HLX: variants seen among roughly 807,000 people sequenced by gnomAD.
The protein encoded by HLX is H2.0-like homeobox protein.
A neutral mutation model predicts 27.7 loss-of-function variants in HLX; 6 were observed. That is an observed-to-expected ratio of 0.22 (90% CI 0.12 to 0.43). The LOEUF (loss-of-function observed/expected upper bound fraction) is 0.43, where lower values mean the gene tolerates loss of function less well. HLX is among the 20% of genes least tolerant of loss of function. HLX has a pLI of 1.00. For missense variants in HLX, 666 were observed against 655.2 expected (o/e 1.02, Z -0.18); for synonymous variants, 328 against 293.8 (o/e 1.12, Z -1.19).
rs1336960819 is a variant in HLX at position 220,880,155 on chromosome 1, G to A, written c.298G>A (p.Ala100Thr). ...RSPLRPTPVV[A>T]PSEVPAGFPQ... ...CCCGCTTCGACCCACCCCAGTGGTG[G>A]CGCCCTCCGAAGTCCCGGCTGGCTT... Residue 100 changes from alanine (A) to threonine (T), a missense_variant, in exon 1 of 4, where the codon GCG becomes ACG. Physicochemically the swap from Ala to Thr is moderately conservative, Grantham distance 58. Transcript: ENST00000366903. 6.2e-7 allele frequency: 1 copy of A among 1,612,268 alleles called. No homozygotes were observed. The highest frequency in any genetic ancestry group is 2.2e-5 in the East Asian group (1 of 44,850).
At chr1:220,882,681 G>T in intron 3 of HLX, 1 of 263,592 alleles carries the variant, frequency 3.8e-6, no homozygotes. Context: ...AGTGCAATTC[G>T]CTGTAGGAGG....
Position 220,880,453 on chromosome 1 carries a change from G to A in HLX, c.592+4G>A, listed in dbSNP as rs1439802739. 1.2e-6 allele frequency: 2 copies of A among 1,613,372 alleles called. No homozygotes were observed. Among genetic ancestry groups the A allele is most frequent in the Non-Finnish European group, 1.7e-6 (2 of 1,180,018 alleles). On this transcript the variant is annotated splice_donor_region_variant and intron_variant, in intron 1 of 3. Coordinates refer to ENST00000366903, the MANE Select transcript of HLX (RefSeq NM_021958.4). ...AAAGAAGGCAACACGCTGAGAGGTA[G>A]GTCTTGGGCGGGAGGCTGCAGGCCT...
At chr1:220,881,396 T>A (rs753062956) in intron 2 of HLX, 23 bp downstream of exon 2, 2 of 1,598,640 alleles carry the variant, frequency 1.3e-6, no homozygotes, top group Non-Finnish European at 1.7e-6. Context: ...TCCAGAGTAC[T>A]GCCTAACGGG....
chr1:220,879,716 C>T lies in HLX; in HGVS notation c.-142C>T. The T allele has an allele frequency of 7.6e-7, 1 of 1,315,688 alleles. No homozygotes were observed. Among genetic ancestry groups the T allele is most frequent in the Non-Finnish European group, 9.9e-7 (1 of 1,006,284 alleles). 81.5% of individuals were successfully genotyped at this position (1,315,688 alleles called of 1,614,324 possible). ...TCGGTGGCGCTAGGGCTCCCGGCCTCTCTTCCTCAGTGCGGGCGGAGAAGC... is the reference window on the plus strand; with the variant it reads ...TCGGTGGCGCTAGGGCTCCCGGCCTTTCTTCCTCAGTGCGGGCGGAGAAGC... On this transcript the variant is annotated 5_prime_UTR_variant, in exon 1 of 4. Transcript: ENST00000366903.
chr1:220,882,387 C>T (rs374396616), intron 3 of HLX, 39 bp downstream of exon 3: 1 of 1,596,484 alleles, frequency 6.3e-7, no homozygotes, highest in Non-Finnish European at 8.6e-7. Context: ...CGCCCTCGGG[C>T]GGGCAGCAGC....
At chr1:220,883,831 C>T (rs34180575) in intron 3 of HLX, 42,275 of 286,552 alleles carry the variant, frequency 0.15, 3,883 homozygotes, top group Non-Finnish European at 0.18. Flanking sequence ...ATCAGATTCT[C>T]ATGGGGGTCC....
Position 220,884,516 on chromosome 1 carries a change from A to AGCGGCG in HLX, c.1288_1293dup (p.Gly430_Gly431dup), listed in dbSNP as rs750199366. 1.2e-6 allele frequency: 2 copies of AGCGGCG among 1,612,614 alleles called. No individual in the cohort carries two copies. Among genetic ancestry groups the AGCGGCG allele is most frequent in the African/African-American group, 1.3e-5 (1 of 75,008 alleles). On this transcript the variant is annotated inframe_insertion, in exon 4 of 4. Transcript: ENST00000366903. This position sits in a 1 kb window ranked among gnomAD's most constrained non-coding sequence, Gnocchi z 4.9. Reference sequence around the variant, plus strand: ...CAGCAGTGCTGGGAGTGGTGGGAGCAGCGGCGGCGGCGGCAATAGTTTCAG... The same window carrying AGCGGCG: ...CAGCAGTGCTGGGAGTGGTGGGAGCAGCGGCGGCGGCGGCGGCGGCAATAGTTTCAG...
intron 1 of HLX, chr1:220,880,876 A>C: frequency 2.3e-6 from 1 of 430,600 alleles, no homozygotes; most frequent in South Asian, 3.4e-5. Flanking sequence ...ATGAGCGGGC[A>C]GAGTGGGGCC....
At position 220,884,635 on chromosome 1, in the gene HLX, A is replaced by C; in HGVS notation, c.1398A>C (p.Ala466=). The C allele has an allele frequency of 6.2e-7, 1 of 1,610,656 alleles. No individual in the cohort carries two copies. Among genetic ancestry groups the C allele is most frequent in the Non-Finnish European group, 8.5e-7 (1 of 1,179,140 alleles). ...GGGGASELLP[A]TQPTASSAPK... ...GCGGCGCCTCGGAGCTTCTCCCTGC[A>C]ACACAGCCCACAGCCAGCAGCGCTC... Residue 466 remains alanine (A), a synonymous_variant, in exon 4 of 4, where the codon GCA becomes GCC. Transcript: ENST00000366903. This position sits in a 1 kb window ranked among gnomAD's most constrained non-coding sequence, Gnocchi z 4.9.
At chr1:220,881,023 C>A (rs1353319226) in intron 1 of HLX, 171 bp from the exon 2 acceptor site, 2 of 651,344 alleles carry the variant, frequency 3.1e-6, no homozygotes, top group South Asian at 1.9e-5. Context: ...ACTTTTCGTG[C>A]GTCGCTCCTT....
chr1:220,880,114 A>G lies in HLX; in HGVS notation c.257A>G (p.Gln86Arg), dbSNP rs1178720688. 5 of 1,601,904 alleles carry G rather than the reference A, an allele frequency of 3.1e-6. No individual in the cohort carries two copies. Among genetic ancestry groups the G allele is most frequent in the Non-Finnish European group, 4.3e-6 (5 of 1,174,684 alleles). Residue 86 changes from glutamine to arginine, a missense_variant, in exon 1 of 4, where the codon CAA (glutamine) becomes CGA (arginine). Coordinates refer to ENST00000366903, the MANE Select transcript of HLX (RefSeq NM_021958.4). Reference sequence around the variant, plus strand: ...TCGGTTCACCCGCACGCCTCTTTCCAAGCGGCGGCCAGATCCCCGCTTCGA... The same window carrying G: ...TCGGTTCACCCGCACGCCTCTTTCCGAGCGGCGGCCAGATCCCCGCTTCGA... ...LGSVHPHASF[Q>R]AAARSPLRPT...
rs574484121 is a variant in HLX, at chr1:220,882,015, T to C, written c.773-149T>C. 3.5e-4 allele frequency: 260 copies of C among 752,602 alleles called. 2 individuals are homozygous for C. Among genetic ancestry groups the C allele is most frequent in the South Asian group, 3.4e-3 (232 of 67,998 alleles). 46.6% of individuals were successfully genotyped at this position (752,602 alleles called of 1,614,324 possible). A position where few individuals can be genotyped will look rare whatever the true frequency, so the allele number is the denominator to read the frequency against. On this transcript the variant is annotated intron_variant, in intron 2 of 3. Coordinates refer to ENST00000366903, the MANE Select transcript of HLX (RefSeq NM_021958.4). ...CTCCTTAGAGGGGCCATTCGGTGTATGTGCGAAGGGCTTTCTGAATGAGGG... is the reference window on the plus strand; with the variant it reads ...CTCCTTAGAGGGGCCATTCGGTGTACGTGCGAAGGGCTTTCTGAATGAGGG...
At chr1:220,881,565 G>A in intron 2 of HLX, 192 bp downstream of exon 2, 1 of 644,284 alleles carries the variant, frequency 1.6e-6, no homozygotes, top group Non-Finnish European at 2.7e-6. Flanking sequence ...CCCTTGAAAA[G>A]GGGTAGAGGC....
In HLX at chr1:220,884,453, GTTATTA is replaced by G; in HGVS notation, c.1217_1222del (p.Val406_Lys408delinsGlu). The G allele has an allele frequency of 6.2e-7, 1 of 1,614,152 alleles. No homozygotes were observed. The highest frequency in any genetic ancestry group is 2.2e-5 in the East Asian group (1 of 44,874). On this transcript the variant is annotated inframe_deletion, in exon 4 of 4. Coordinates refer to ENST00000366903, the MANE Select transcript of HLX (RefSeq NM_021958.4). The surrounding 1 kb of genome is among the most constrained non-coding windows in gnomAD (Gnocchi z 4.9). ...TGAGCGTTCTCTGCACCAAACAACA[GTTATTA>G]AGGCCCCGGTCACTGGCGCCCTCAT...
Position 220,880,463 on chromosome 1 carries a change from G to A in HLX, c.592+14G>A. 1 of 1,613,212 alleles carries A rather than the reference G, an allele frequency of 6.2e-7. No individual in the cohort carries two copies. The highest frequency in any genetic ancestry group is 8.5e-7 in the Non-Finnish European group (1 of 1,179,996). On this transcript the variant is annotated intron_variant, in intron 1 of 3. Transcript: ENST00000366903. ...ACACGCTGAGAGGTAGGTCTTGGGC[G>A]GGAGGCTGCAGGCCTCTGACCACTG...
At position 220,879,914 on chromosome 1, in the gene HLX, C is replaced by G; in HGVS notation, c.57C>G (p.Ala19=). The G allele has an allele frequency of 6.3e-7, 1 of 1,595,994 alleles. No homozygotes were observed. Among genetic ancestry groups the G allele is most frequent in the South Asian group, 1.1e-5 (1 of 89,976 alleles). Residue 19 remains alanine (A), a synonymous_variant, in exon 1 of 4, where the codon GCC becomes GCG. Transcript: ENST00000366903. ...FYASNFSLWS[A]AYCSSAGPGG... ...CCTCCAACTTCAGCCTCTGGTCGGC[C>G]GCTTACTGCTCCTCGGCCGGCCCAG...
Position 220,880,441 on chromosome 1 carries a change from C to A in HLX, c.584C>A (p.Thr195Lys). Residue 195 changes from threonine (T) to lysine (K), a missense_variant, in exon 1 of 4, where the codon ACG becomes AAG. Physicochemically the swap from Thr to Lys is moderately conservative, Grantham distance 78. Transcript: ENST00000366903. ...EFDPKVKEGN[T>K]LRDLTSLLTG... The stretch of plus-strand genomic sequence containing the variant: ...GACCCAAAAGTCAAAGAAGGCAACA[C>A]GCTGAGAGGTAGGTCTTGGGCGGGA... 3 of 1,613,642 alleles carry A rather than the reference C, an allele frequency of 1.9e-6. No individual in the cohort carries two copies. The highest frequency in any genetic ancestry group is 2.5e-6 in the Non-Finnish European group (3 of 1,180,036).
chr1:220,881,176 C>A lies in HLX; in HGVS notation c.593-18C>A. 2 of 1,611,466 alleles carry A rather than the reference C, an allele frequency of 1.2e-6. No homozygotes were observed. Among genetic ancestry groups the A allele is most frequent in the South Asian group, 2.2e-5 (2 of 90,946 alleles). On this transcript the variant is annotated intron_variant, in intron 1 of 3. Transcript: ENST00000366903. Reference sequence around the variant, plus strand: ...TGTGCCCGAGATGTAACCTGCTATCCTTTTCCCTTGTCCCCAGATCTCACT... The same window carrying A: ...TGTGCCCGAGATGTAACCTGCTATCATTTTCCCTTGTCCCCAGATCTCACT...
Position 220,879,504 on chromosome 1 carries a change from A to G in HLX, c.-354A>G. 1 of 298,064 alleles carries G rather than the reference A, an allele frequency of 3.4e-6. No individual in the cohort carries two copies. The allele number at this position is 298,064 out of a possible 1,614,324, so 18.5% of individuals were successfully genotyped here. ...TGTTGTTGTTTTAAATTTAGCTCTTAGGGCTTAGCTATTTGGGTTTTCTTG... is the reference window on the plus strand; with the variant it reads ...TGTTGTTGTTTTAAATTTAGCTCTTGGGGCTTAGCTATTTGGGTTTTCTTG... On this transcript the variant is annotated 5_prime_UTR_variant, in exon 1 of 4. Transcript: ENST00000366903.
Sources: gnomAD v4.1 joint callset for allele counts on GRCh38, gnomAD v4.1.1 for gene constraint, Gnocchi (gnomAD v3.1) non-coding constraint, MANE v1.5 for transcripts, NCBI Gene and HGNC (gene_info 2026-07-23, HGNC 2026-07-21) for gene names.